Variants in AREL1 observed in about 807,000 individuals in gnomAD.
AREL1 encodes the protein apoptosis resistant E3 ubiquitin protein ligase 1.
In AREL1, 62 loss-of-function variants were observed where a neutral mutation model predicts 99.0. That is an observed-to-expected ratio of 0.63 (90% CI 0.51 to 0.77). The LOEUF is 0.77. AREL1 is among the 30% of genes least tolerant of loss of function. The pLI, the probability that AREL1 is intolerant of heterozygous loss-of-function variation, is 0.00. For synonymous variants in AREL1, 380 were observed against 376.5 expected, an observed-to-expected ratio of 1.01 and a Z score of -0.11; for missense variants, 879 against 1,027.6, an observed-to-expected ratio of 0.86 and a Z score of 1.98.
chr14:74,680,264 C>T (rs1178272770), intron 5 of AREL1, among the ~76,000 whole-genome samples: 3 of 151,914 alleles, frequency 2.0e-5, no homozygotes, highest in African/African-American at 7.2e-5. Context: ...AGAGACATTT[C>T]ACCAAAGGAT....
chr14:74,709,208 G>T (rs1412284699), intron 1 of AREL1, among the ~76,000 whole-genome samples: 1 of 152,206 alleles, frequency 6.6e-6, no homozygotes, highest in Non-Finnish European at 1.5e-5. Context: ...AAGCTGAGGT[G>T]GGAGGATGGC....
intron 1 of AREL1, among the ~76,000 whole-genome samples, chr14:74,705,467 C>A (rs981048707): frequency 2.6e-5 from 4 of 152,194 alleles, no homozygotes; most frequent in African/African-American, 9.7e-5. Context: ...TCCAAATCCA[C>A]ATAAGACCTC....
chr14:74,685,128 C>T (rs1187469622), intron 3 of AREL1, among the ~76,000 whole-genome samples: 4 of 152,196 alleles, frequency 2.6e-5, no homozygotes, highest in Admixed American at 2.6e-4. Flanking sequence ...TGCTGGGCAC[C>T]CCACAGAAGC....
Position 74,673,078 on chromosome 14 carries a change from T to C in AREL1, c.1299A>G (p.Ile433Met). ...TATAGAATCCCTGTGTAACCTCACC[T>C]ATGTTCTTATGCAGGGAGCGGATAA... ...ATFIRSLHKN[I>M]GGSETFQDKV... The change falls in exon 10 of 20, where the codon ATA becomes ATG. Residue 433 changes from isoleucine to methionine, a missense_variant and splice_region_variant. Coordinates refer to ENST00000356357, the MANE Select transcript of AREL1 (RefSeq NM_001039479.2). The C allele has an allele frequency of 6.2e-7, 1 of 1,614,176 alleles. No individual in the cohort carries two copies.
chr14:74,678,113 G>C, intron 5 of AREL1: 1 of 422,822 alleles, frequency 2.4e-6, no homozygotes, highest in Non-Finnish European at 4.6e-6. Flanking sequence ...AATTTAAATG[G>C]AAAGGCAAAG....
At chr14:74,672,265 G>C (rs996766303) in intron 11 of AREL1, among the ~76,000 whole-genome samples, 1 of 152,112 alleles carries the variant, frequency 6.6e-6, no homozygotes, top group South Asian at 2.1e-4. Context: ...CTCTTCCCTC[G>C]ATAACATACC....
chr14:74,672,752 CAA>C (rs2139877731), intron 11 of AREL1, 77 bp downstream of exon 11: 1 of 1,586,646 alleles, frequency 6.3e-7, no homozygotes, highest in South Asian at 1.1e-5. Flanking sequence ...AAAACAAAAA[CAA>C]AAACAGTAAC....
chr14:74,710,856 G>T (rs1181476851), intron 1 of AREL1, among the ~76,000 whole-genome samples: 4 of 152,198 alleles, frequency 2.6e-5, no homozygotes, highest in African/African-American at 9.7e-5. Flanking sequence ...ATCACCCTGC[G>T]ATTGAGCATC....
intron 1 of AREL1, among the ~76,000 whole-genome samples, chr14:74,699,368 TGTGTGTGTGAGA>T (rs1566701561): frequency 7.7e-6 from 1 of 129,904 alleles, no homozygotes; most frequent in African/African-American, 2.9e-5. Context: ...TGTGTGTGTG[TGTGTGTGTGAGA>T]GAGAGAGAGA....
chr14:74,693,470 A>T (rs1222394877), intron 1 of AREL1, among the ~76,000 whole-genome samples: 4 of 152,218 alleles, frequency 2.6e-5, no homozygotes, highest in Non-Finnish European at 5.9e-5. Context: ...ATACACAAAC[A>T]GCCACCATAA....
intron 17 of AREL1, among the ~76,000 whole-genome samples, 192 bp from the exon 18 acceptor site, chr14:74,665,117 C>T (rs1057237823): frequency 1.3e-5 from 2 of 152,000 alleles, no homozygotes; most frequent in Non-Finnish European, 1.5e-5. Flanking sequence ...TAGTTGCTAA[C>T]CAGTGGGTAA....
chr14:74,664,920 C>T lies in AREL1; in HGVS notation c.2109G>A (p.Leu703=). The T allele has an allele frequency of 6.2e-7, 1 of 1,613,208 alleles. No homozygotes were observed. The highest frequency in any genetic ancestry group is 8.5e-7 in the Non-Finnish European group (1 of 1,179,424). Residue 703 remains leucine, a synonymous_variant, in exon 18 of 20, where the codon CTG becomes CTA. Coordinates refer to ENST00000356357, the MANE Select transcript of AREL1 (RefSeq NM_001039479.2). ...CACTGATGTCTCCAGTCCCACACATCAGCAGCTGGAAAAAGATGGTAAGGT... is the reference window on the plus strand; with the variant it reads ...CACTGATGTCTCCAGTCCCACACATTAGCAGCTGGAAAAAGATGGTAAGGT... ...AIFDENELEL[L]MCGTGDISVS...
In AREL1 at chr14:74,683,515, G is replaced by T. The variant is rs2089680942; in HGVS notation, c.262C>A (p.Gln88Lys). 3 of 1,614,086 alleles carry T rather than the reference G, an allele frequency of 1.9e-6. No homozygotes were observed. The highest frequency in any genetic ancestry group is 2.5e-6 in the Non-Finnish European group (3 of 1,179,998). Residue 88 changes from glutamine (Q) to lysine (K), a missense_variant, in exon 5 of 20, where the codon CAG becomes AAG. Coordinates refer to ENST00000356357, the MANE Select transcript of AREL1 (RefSeq NM_001039479.2). ...FRVHLFYKNG[Q>K]PFPAHRPVGL... is the part of the protein sequence containing the mutation. ...ACAGGCCGATGTGCAGGGAAAGGCTGCCCGTTCTTATAGAATAACTGCCAT... is the reference window on the plus strand; with the variant it reads ...ACAGGCCGATGTGCAGGGAAAGGCTTCCCGTTCTTATAGAATAACTGCCAT...
At position 74,673,061 on chromosome 14, in the gene AREL1, C is replaced by T; in HGVS notation, c.1300+16G>A. On this transcript the variant is annotated intron_variant, in intron 10 of 19. Transcript: ENST00000356357. ...GGGCTCACTACCTTCCCTATAGAAT[C>T]CCTGTGTAACCTCACCTATGTTCTT... The T allele has an allele frequency of 1.9e-6, 3 of 1,614,098 alleles. No individual in the cohort carries two copies. Among genetic ancestry groups the T allele is most frequent in the Non-Finnish European group, 2.5e-6 (3 of 1,180,006 alleles).
In AREL1 at chr14:74,683,545, A is replaced by G; in HGVS notation, c.244-12T>C. 1 of 1,611,932 alleles carries G rather than the reference A, an allele frequency of 6.2e-7. No homozygotes were observed. The highest frequency in any genetic ancestry group is 1.7e-5 in the Admixed American group (1 of 59,944). ...TTCTTATAGAATAACTGCCATGGGG[A>G]GAAGAAGGACACCTGTTAGCAAGCA... On this transcript the variant is annotated splice_polypyrimidine_tract_variant and intron_variant, in intron 4 of 19. Transcript: ENST00000356357.
chr14:74,685,635 C>T lies in AREL1; in HGVS notation c.-20G>A. 1 of 1,614,158 alleles carries T rather than the reference C, an allele frequency of 6.2e-7. No individual in the cohort carries two copies. Reference sequence around the variant, plus strand: ...AAACATCAGGTCCCGTCAATGCCAACAGACAGCCGAGGATCACAGCTGCAG... The same window carrying T: ...AAACATCAGGTCCCGTCAATGCCAATAGACAGCCGAGGATCACAGCTGCAG... On this transcript the variant is annotated 5_prime_UTR_variant, in exon 3 of 20. Coordinates refer to ENST00000356357, the MANE Select transcript of AREL1 (RefSeq NM_001039479.2).
chr14:74,667,717 C>A, intron 15 of AREL1, 123 bp from the exon 16 acceptor site: 5 of 1,286,670 alleles, frequency 3.9e-6, no homozygotes, highest in Non-Finnish European at 5.3e-6. Context: ...TCACAAGTTT[C>A]TGCTGTGCAT....
At chr14:74,679,808 T>C (rs1196141586) in intron 5 of AREL1, among the ~76,000 whole-genome samples, 1 of 151,022 alleles carries the variant, frequency 6.6e-6, no homozygotes, top group Non-Finnish European at 1.5e-5. Context: ...AGCTTGGGCG[T>C]CAGAACGAGA....
At position 74,676,793 on chromosome 14, in the gene AREL1, T is replaced by C. The variant is rs758866425; in HGVS notation, c.482-41A>G. 4 of 1,426,194 alleles carry C rather than the reference T, an allele frequency of 2.8e-6. No homozygotes were observed. In the African/African-American group the frequency reaches 4.5e-5, roughly 16 times the overall value. 88.3% of individuals were successfully genotyped at this position (1,426,194 alleles called of 1,614,324 possible). On this transcript the variant is annotated intron_variant, in intron 5 of 19. Transcript: ENST00000356357. ...TGGAATCTAACATTTATTTATTTTA[T>C]TTTTTTATTTTTATTTTTTTTGAGA...
Sources: gnomAD v4.1 joint callset for allele counts (sites outside exome capture counted in the v4.1 genomes callset) on GRCh38, gnomAD v4.1.1 for gene constraint, MANE v1.5 for transcripts, NCBI Gene and HGNC (gene_info 2026-07-23, HGNC 2026-07-21) for gene names.